The following DNHD1 variants were observed in gnomAD, a reference collection of about 807,000 sequenced individuals.
DNHD1 encodes dynein heavy chain domain-containing protein 1.
A neutral mutation model predicts 458.1 loss-of-function variants in DNHD1; 383 were observed. That is an observed-to-expected ratio of 0.84 (90% CI 0.77 to 0.91). DNHD1 has a LOEUF of 0.91. Among genes scored for constraint, DNHD1 ranks in the 40% least tolerant of loss-of-function variants. The probability of loss-of-function intolerance (pLI) is 0.00; values close to 1 mark genes in which losing one functional copy is unlikely to be tolerated. For missense variants in DNHD1, 5,336 were observed against 5,866.1 expected (o/e 0.91, Z 2.95); for synonymous variants, 2,203 against 2,376.9 (o/e 0.93, Z 2.13).
intron 12 of DNHD1, 104 bp downstream of exon 12, chr11:6,529,225 C>A: frequency 7.8e-7 from 1 of 1,289,532 alleles, no homozygotes; most frequent in Non-Finnish European, 1.1e-6. Context: ...CGGTGCAGGC[C>A]TCTTATTGGA....
In DNHD1 at chr11:6,529,060, C is replaced by G; in HGVS notation, c.2286C>G (p.Ile762Met). The change falls in exon 12 of 43, where the codon ATC becomes ATG. Residue 762 changes from isoleucine to methionine, a missense_variant. Physicochemically the swap from Ile to Met is conservative, Grantham distance 10. Around this residue, in one of 4 missense-constraint regions of DNHD1, gnomAD observed 3,932 missense variants for 4,365.6 expected, o/e 0.90. Coordinates refer to ENST00000254579, the MANE Select transcript of DNHD1 (RefSeq NM_144666.3). ...VWQARVSSMP[I>M]ELLTKGGLLL... The stretch of plus-strand genomic sequence containing the variant: ...AGGCCCGTGTCTCCAGTATGCCTAT[C>G]GAGTTGCTCACAAAAGGCGGGTTGC... The G allele has an allele frequency of 6.4e-7, 1 of 1,550,826 alleles. No homozygotes were observed. Among genetic ancestry groups the G allele is most frequent in the Non-Finnish European group, 8.7e-7 (1 of 1,146,940 alleles).
chr11:6,522,014 G>A (rs1852614512), intron 10 of DNHD1, among the ~76,000 whole-genome samples: 1 of 152,216 alleles, frequency 6.6e-6, no homozygotes, highest in South Asian at 2.1e-4. Context: ...ACTGTGCCTA[G>A]CCAGAACTGA....
chr11:6,528,558 T>C lies in DNHD1; in HGVS notation c.1874T>C (p.Leu625Pro). The C allele has an allele frequency of 7.7e-6, 12 of 1,550,964 alleles. No individual in the cohort carries two copies. Among genetic ancestry groups the C allele is most frequent in the Non-Finnish European group, 1.0e-5 (12 of 1,146,322 alleles). Residue 625 changes from leucine (L) to proline (P), a missense_variant, in exon 11 of 43, where the codon CTG becomes CCG. This residue lies in a region of DNHD1 where 3,932 missense variants were observed against 4,365.6 expected (regional missense o/e 0.90). Coordinates refer to ENST00000254579, the MANE Select transcript of DNHD1 (RefSeq NM_144666.3). ...DEEEDSKDEF[L>P]MPKFQGQPSD... is the part of the protein sequence containing the mutation. ...GAGGAGGACTCAAAAGACGAATTTC[T>C]GATGCCCAAGTTCCAGGGCCAGCCC...
intron 26 of DNHD1, 65 bp downstream of exon 26, chr11:6,558,758 G>T: frequency 6.6e-7 from 1 of 1,523,360 alleles, no homozygotes; most frequent in Non-Finnish European, 8.9e-7. Flanking sequence ...TTATTACCTA[G>T]GTCAGTCTCT....
intron 24 of DNHD1, among the ~76,000 whole-genome samples, chr11:6,553,751 T>G (rs1013994400): frequency 1.3e-5 from 2 of 152,160 alleles, no homozygotes; most frequent in Non-Finnish European, 2.9e-5. Context: ...TAAAAGTCAT[T>G]TAAAAGCATA....
In DNHD1 at chr11:6,551,011, T is replaced by C. The variant is rs1589888319; in HGVS notation, c.7387+2078T>C. On this transcript the variant is annotated intron_variant, in intron 24 of 42. Coordinates refer to ENST00000254579, the MANE Select transcript of DNHD1 (RefSeq NM_144666.3). Reference sequence around the variant, plus strand: ...GAATAACACTAGCAACACACTGACATTTACAAAACATTATACTCACCAACT... The same window carrying C: ...GAATAACACTAGCAACACACTGACACTTACAAAACATTATACTCACCAACT... Among the ~76,000 whole-genome samples, 6 of 152,284 alleles carry C rather than the reference T, an allele frequency of 3.9e-5. No homozygotes were observed. In the South Asian group the frequency reaches 1.2e-3, roughly 32 times the overall value.
intron 38 of DNHD1, 39 bp from the exon 39 acceptor site, chr11:6,568,626 A>G: frequency 6.2e-7 from 1 of 1,613,768 alleles, no homozygotes; most frequent in Non-Finnish European, 8.5e-7. Context: ...TGGGAGGGCA[A>G]CTGTGCTGTG....
chr11:6,539,973 TC>T lies in DNHD1; in HGVS notation c.3520del (p.Leu1174CysfsTer25). On this transcript the variant is annotated frameshift_variant, in exon 18 of 43. Coordinates refer to ENST00000254579, the MANE Select transcript of DNHD1 (RefSeq NM_144666.3). ...EARQLRLLNF[I>X]LHVPYEPPAS... Reference sequence around the variant, plus strand: ...CGCCAGCTGCGCCTGCTCAACTTCATCCTGCATGTACCCTACGAGCCCCCAG... The same window carrying T: ...CGCCAGCTGCGCCTGCTCAACTTCATCTGCATGTACCCTACGAGCCCCCAG... 1 of 1,551,704 alleles carries T rather than the reference TC, an allele frequency of 6.4e-7. No individual in the cohort carries two copies. Among genetic ancestry groups the T allele is most frequent in the Non-Finnish European group, 8.7e-7 (1 of 1,146,986 alleles).
rs780458506 is a variant in DNHD1 at position 6,545,348 on chromosome 11, G to A, written c.4409G>A (p.Arg1470His). 9.0e-5 allele frequency: 139 copies of A among 1,551,642 alleles called. 1 individual carries two copies. Among genetic ancestry groups the A allele is most frequent in the Middle Eastern group, 8.3e-4 (5 of 6,014 alleles). ...VHMLQGCVAARLARGPSLGEA... is the reference protein window; with the variant it reads ...VHMLQGCVAAHLARGPSLGEA... The stretch of plus-strand genomic sequence containing the variant: ...ATGCTGCAGGGCTGTGTGGCTGCTC[G>A]CCTTGCTCGAGGCCCATCTCTAGGT... Residue 1470 changes from arginine to histidine, a missense_variant, in exon 21 of 43, where the codon CGC (arginine) becomes CAC (histidine). Physicochemically the swap from Arg to His is conservative, Grantham distance 29 (BLOSUM62 0). Around this residue, in one of 4 missense-constraint regions of DNHD1, gnomAD observed 3,932 missense variants for 4,365.6 expected, o/e 0.90. Coordinates refer to ENST00000254579, the MANE Select transcript of DNHD1 (RefSeq NM_144666.3). The surrounding 1 kb of genome is among the most constrained non-coding windows in gnomAD (Gnocchi z 4.9).
rs1853229533 is a variant in DNHD1, at chr11:6,546,782, C to T, written c.5843C>T (p.Thr1948Ile). The T allele has an allele frequency of 6.4e-7, 1 of 1,551,722 alleles. No homozygotes were observed. The highest frequency in any genetic ancestry group is 2.0e-5 in the Admixed American group (1 of 50,994). ...SASQVLAEPM[T>I]YKLMKPLVVE... ...AGCCAAGTGCTGGCAGAACCTATGA[C>T]TTACAAGCTGATGAAGCCATTGGTG... The change falls in exon 21 of 43, where the codon ACT (threonine) becomes ATT (isoleucine). Residue 1948 changes from threonine to isoleucine, a missense_variant. By Grantham distance (89) the Thr-to-Ile change is moderately conservative. Around this residue, in one of 4 missense-constraint regions of DNHD1, gnomAD observed 3,932 missense variants for 4,365.6 expected, o/e 0.90. Coordinates refer to ENST00000254579, the MANE Select transcript of DNHD1 (RefSeq NM_144666.3).
intron 29 of DNHD1, 60 bp from the exon 30 acceptor site, chr11:6,563,322 C>T: frequency 6.5e-7 from 1 of 1,536,880 alleles, no homozygotes; most frequent in Non-Finnish European, 8.8e-7. Context: ...CTAAAAACAC[C>T]TTGAAGGAAG....
intron 4 of DNHD1, among the ~76,000 whole-genome samples, chr11:6,506,030 G>T (rs1244783257): frequency 6.6e-6 from 1 of 152,150 alleles, no homozygotes; most frequent in Non-Finnish European, 1.5e-5. Flanking sequence ...AAAGAGATAA[G>T]AAACTATTGA....
At chr11:6,555,780 A>G (rs775576893) in intron 24 of DNHD1, among the ~76,000 whole-genome samples, 4 of 152,144 alleles carry the variant, frequency 2.6e-5, no homozygotes, top group Admixed American at 1.3e-4. Flanking sequence ...TCAAATAACA[A>G]TGCCTGTGAT....
chr11:6,568,109 C>A lies in DNHD1; in HGVS notation c.12405C>A (p.Val4135=). The A allele has an allele frequency of 1.3e-6, 2 of 1,572,338 alleles. No individual in the cohort carries two copies. Among genetic ancestry groups the A allele is most frequent in the Non-Finnish European group, 1.7e-6 (2 of 1,157,808 alleles). The change falls in exon 37 of 43, where the codon GTC becomes GTA. Residue 4135 remains valine (V), a synonymous_variant. Coordinates refer to ENST00000254579, the MANE Select transcript of DNHD1 (RefSeq NM_144666.3). The stretch of plus-strand genomic sequence containing the variant: ...TGGGCTCTGAAGCCTGGGACCCAGT[C>A]TCAGTTGTGGTCAGCACTCTATCCC... ...IALGSEAWDP[V]SVVVSTLSQA...
intron 3 of DNHD1, among the ~76,000 whole-genome samples, chr11:6,501,301 AT>A (rs5789468): frequency 0.86 from 124,716 of 144,730 alleles, 53,700 homozygotes; most frequent in South Asian, 0.93. Flanking sequence ...CTGGGTAGGG[AT>A]TTTTTTTTTT....
Position 6,498,384 on chromosome 11 carries a change from G to A in DNHD1, c.169G>A (p.Val57Met), listed in dbSNP as rs1322309899. The change falls in exon 3 of 43, where the codon GTG (valine) becomes ATG (methionine). Residue 57 changes from valine to methionine, a missense_variant. Physicochemically the swap from Val to Met is conservative, Grantham distance 21. Coordinates refer to ENST00000254579, the MANE Select transcript of DNHD1 (RefSeq NM_144666.3). ...KPVTESEQPT[V>M]LELLLAELRT... is the part of the protein sequence containing the mutation. ...AGTGACTGAGTCAGAGCAGCCCACA[G>A]TGCTGGAACTCCTGCTAGCTGAGCT... The A allele has an allele frequency of 6.2e-7, 1 of 1,614,222 alleles. No individual in the cohort carries two copies. Among genetic ancestry groups the A allele is most frequent in the South Asian group, 1.1e-5 (1 of 91,088 alleles).
chr11:6,533,469 G>C (rs1312416696), intron 13 of DNHD1, among the ~76,000 whole-genome samples: 2 of 152,216 alleles, frequency 1.3e-5, no homozygotes, highest in African/African-American at 4.8e-5. Flanking sequence ...TGGGTGAGAA[G>C]TGGACCCTTC....
Position 6,567,381 on chromosome 11 carries a change from T to C in DNHD1, c.11872T>C (p.Trp3958Arg). 1 of 1,613,938 alleles carries C rather than the reference T, an allele frequency of 6.2e-7. No individual in the cohort carries two copies. Among genetic ancestry groups the C allele is most frequent in the East Asian group, 2.2e-5 (1 of 44,884 alleles). The change falls in exon 36 of 43, where the codon TGG becomes CGG. Residue 3958 changes from tryptophan (W) to arginine (R), a missense_variant. Trp to Arg is a moderately radical substitution (Grantham distance 101). Coordinates refer to ENST00000254579, the MANE Select transcript of DNHD1 (RefSeq NM_144666.3). ...KASELERLAL[W>R]PGLAASPSTV... is the part of the protein sequence containing the mutation. ...ATCAGAGCTGGAAAGACTGGCACTCTGGCCTGGACTAGCAGCCTCTCCCAG... is the reference window on the plus strand; with the variant it reads ...ATCAGAGCTGGAAAGACTGGCACTCCGGCCTGGACTAGCAGCCTCTCCCAG...
chr11:6,524,557 C>G (rs901029257), intron 10 of DNHD1, among the ~76,000 whole-genome samples: 1 of 152,216 alleles, frequency 6.6e-6, no homozygotes, highest in African/African-American at 2.4e-5. Flanking sequence ...GTTCAAACTT[C>G]AAGACAAGGA....
Sources: allele counts gnomAD v4.1 joint callset (sites outside exome capture counted in the v4.1 genomes callset), GRCh38; gene constraint gnomAD v4.1.1; regional missense constraint gnomAD v4.1.1; non-coding constraint Gnocchi (gnomAD v3.1); transcripts MANE v1.5; gene names NCBI Gene and HGNC (gene_info 2026-07-23, HGNC 2026-07-21).